Variants in KIF2A observed in about 807,000 individuals in gnomAD.
KIF2A encodes the protein kinesin family member 2A, also known as kinesin-like protein KIF2A.
In KIF2A, 22 loss-of-function variants were observed where a neutral mutation model predicts 100.2. The observed-to-expected ratio is 0.22, with a 90% CI of 0.16 to 0.31. The LOEUF is 0.31. Among genes scored for constraint, KIF2A ranks in the 10% least tolerant of loss-of-function variants. KIF2A has a pLI of 1.00. For synonymous variants in KIF2A, 268 were observed against 285.9 expected (o/e 0.94, Z 0.63); for missense variants, 495 against 898.7 (o/e 0.55, Z 5.74).
chr5:62,334,593 T>C (rs1746838106), intron 1 of KIF2A, among the ~76,000 whole-genome samples: 1 of 149,806 alleles, frequency 6.7e-6, no homozygotes, highest in Admixed American at 6.7e-5. Context: ...TGCCCCTACC[T>C]TACTCAACCT....
At chr5:62,379,729 A>G (rs79445451) in intron 19 of KIF2A, among the ~76,000 whole-genome samples, 3,225 of 152,236 alleles carry the variant, frequency 0.021, 129 homozygotes, top group African/African-American at 0.073. Flanking sequence ...ATCAAGACAC[A>G]TACCTATGTT....
At chr5:62,383,896 A>G (rs1228512362) in intron 20 of KIF2A, among the ~76,000 whole-genome samples, 1 of 152,136 alleles carries the variant, frequency 6.6e-6, no homozygotes, top group Non-Finnish European at 1.5e-5. Context: ...ATCTAGATAT[A>G]TTGCATTATT....
chr5:62,331,504 T>C (rs1258553360), intron 1 of KIF2A, among the ~76,000 whole-genome samples: 3 of 152,078 alleles, frequency 2.0e-5, no homozygotes, highest in Non-Finnish European at 4.4e-5. Context: ...AGGATAATTG[T>C]TTGTTGAACT....
At chr5:62,325,148 A>T (rs1580011720) in intron 1 of KIF2A, among the ~76,000 whole-genome samples, 1 of 151,806 alleles carries the variant, frequency 6.6e-6, no homozygotes, top group African/African-American at 2.4e-5. Flanking sequence ...TTTTTGAGAC[A>T]GAGTCTCGCT....
chr5:62,314,768 T>TG (rs1554038402), intron 1 of KIF2A, among the ~76,000 whole-genome samples: 1 of 147,424 alleles, frequency 6.8e-6, no homozygotes, highest in Non-Finnish European at 1.5e-5. Context: ...GTTTTTTTTT[T>TG]TTTTTTTTTT....
At chr5:62,334,633 C>A (rs1382721207) in intron 1 of KIF2A, among the ~76,000 whole-genome samples, 2 of 152,078 alleles carry the variant, frequency 1.3e-5, no homozygotes, top group South Asian at 2.1e-4. Flanking sequence ...ACCACCACTG[C>A]CTTGTACCCC....
At chr5:62,346,731 C>T (rs1279477792) in intron 1 of KIF2A, among the ~76,000 whole-genome samples, 1 of 152,156 alleles carries the variant, frequency 6.6e-6, no homozygotes, top group Non-Finnish European at 1.5e-5. Context: ...CAGAGCGAGA[C>T]TGTCTCAGGA....
chr5:62,308,782 A>G (rs1421142528), intron 1 of KIF2A, among the ~76,000 whole-genome samples: 1 of 152,190 alleles, frequency 6.6e-6, no homozygotes, highest in Non-Finnish European at 1.5e-5. Context: ...AGGAGAGGAA[A>G]TGGGGAGATA....
chr5:62,313,751 T>G (rs190647379), intron 1 of KIF2A, among the ~76,000 whole-genome samples: 6 of 152,254 alleles, frequency 3.9e-5, no homozygotes, highest in Admixed American at 3.9e-4. Context: ...TATACTCTAG[T>G]ACCTATTTGA....
At chr5:62,324,398 C>T (rs1036613735) in intron 1 of KIF2A, among the ~76,000 whole-genome samples, 3 of 152,036 alleles carry the variant, frequency 2.0e-5, no homozygotes, top group Non-Finnish European at 4.4e-5. Flanking sequence ...ACCTAATAGC[C>T]GAAACAATCC....
At chr5:62,365,614 CTTTT>C (rs1356753713) in intron 15 of KIF2A, among the ~76,000 whole-genome samples, 1 of 151,594 alleles carries the variant, frequency 6.6e-6, no homozygotes, top group Non-Finnish European at 1.5e-5. Flanking sequence ...CTCTTTCTTT[CTTTT>C]TGAGTATAGG....
At chr5:62,318,377 G>A (rs1026770153) in intron 1 of KIF2A, among the ~76,000 whole-genome samples, 4 of 152,112 alleles carry the variant, frequency 2.6e-5, no homozygotes, top group East Asian at 1.9e-4. Context: ...CACTGCGCCC[G>A]GCCATAAATT....
intron 14 of KIF2A, among the ~76,000 whole-genome samples, 163 bp from the exon 15 acceptor site, chr5:62,365,080 G>A (rs1025234866): frequency 4.6e-4 from 70 of 152,048 alleles, no homozygotes; most frequent in African/African-American, 1.6e-3. Flanking sequence ...GTGACAGAGC[G>A]AGACTTTGTC....
intron 6 of KIF2A, among the ~76,000 whole-genome samples, chr5:62,354,043 A>G (rs773724085): frequency 6.6e-6 from 1 of 152,128 alleles, no homozygotes; most frequent in Non-Finnish European, 1.5e-5. Context: ...AAACATCAAG[A>G]TTATTTATTT....
rs192158263 is a variant in KIF2A, at chr5:62,352,130, G to T, written c.335-458G>T. On this transcript the variant is annotated intron_variant, in intron 4 of 20. Transcript: ENST00000407818. ...ATTGCACCACTGCACTCCAACCTGGGCAACAGAGCGAGACTTCATCTCAAA... is the reference window on the plus strand; with the variant it reads ...ATTGCACCACTGCACTCCAACCTGGTCAACAGAGCGAGACTTCATCTCAAA... Among the ~76,000 whole-genome samples the T allele has an allele frequency of 4.6e-3, 653 of 141,404 alleles. 5 individuals carry two copies. Among genetic ancestry groups the T allele is most frequent in the African/African-American group, 0.017 (632 of 37,182 alleles). 92.8% of individuals were successfully genotyped at this position (141,404 alleles called of 152,430 possible).
At chr5:62,377,822 T>C in intron 19 of KIF2A, 60 bp downstream of exon 19, 1 of 925,318 alleles carries the variant, frequency 1.1e-6, no homozygotes, top group Non-Finnish European at 1.7e-6. Flanking sequence ...GAATTTGTCA[T>C]AATTCCTTAA....
chr5:62,374,746 A>G (rs247220), intron 18 of KIF2A, among the ~76,000 whole-genome samples: 74,439 of 151,970 alleles, frequency 0.49, 19,253 homozygotes, highest in African/African-American at 0.65. Flanking sequence ...CCTGGCCAAC[A>G]TGGTAAAACC....
At chr5:62,360,515 T>A (rs955088043) in intron 9 of KIF2A, among the ~76,000 whole-genome samples, 18 of 152,012 alleles carry the variant, frequency 1.2e-4, no homozygotes, top group African/African-American at 4.3e-4. Context: ...TGAAACCACG[T>A]CTCTACTAAA....
At position 62,386,001 on chromosome 5, in the gene KIF2A, G is replaced by T. The variant is rs1231009861; in HGVS notation, c.*432G>T. The T allele has an allele frequency of 5.7e-5, 9 of 158,606 alleles. No homozygotes were observed. Among genetic ancestry groups the T allele is most frequent in the Non-Finnish European group, 9.8e-5 (7 of 71,782 alleles). 9.8% of individuals were successfully genotyped at this position (158,606 alleles called of 1,614,324 possible). On this transcript the variant is annotated 3_prime_UTR_variant, in exon 21 of 21. Coordinates refer to ENST00000407818, the MANE Select transcript of KIF2A (RefSeq NM_001098511.3). Reference sequence around the variant, plus strand: ...CCTCATCAGTGATTGTACATACCTTGCCCACTCCTAGAGACAGCTGTGCTC... The same window carrying T: ...CCTCATCAGTGATTGTACATACCTTTCCCACTCCTAGAGACAGCTGTGCTC...
Sources: allele counts gnomAD v4.1 joint callset (sites outside exome capture counted in the v4.1 genomes callset), GRCh38; gene constraint gnomAD v4.1.1; transcripts MANE v1.5; gene names NCBI Gene and HGNC (gene_info 2026-07-23, HGNC 2026-07-21).